Variants in FARP2 observed in about 807,000 individuals in gnomAD.
FARP2 encodes FERM, ARH/RhoGEF and pleckstrin domain protein 2.
FARP2 carries 111 observed loss-of-function variants against 130.5 expected under a neutral mutation model. The ratio of observed to expected loss-of-function variants is 0.85; its 90% CI spans 0.73 to 1.00. The LOEUF is 1.00. FARP2 is among the 50% of genes least tolerant of loss of function. The pLI, the probability that FARP2 is intolerant of heterozygous loss-of-function variation, is 0.00. For synonymous variants in FARP2, 504 were observed against 516.9 expected (o/e 0.98, Z 0.34); for missense variants, 1,385 against 1,346.3 (o/e 1.03, Z -0.45).
At chr2:241,402,851 TATATATATATATATATATATATATA>T (rs2062212005) in intron 2 of FARP2, among the ~76,000 whole-genome samples, 1 of 9,674 alleles carries the variant, frequency 1.0e-4, no homozygotes, top group Non-Finnish European at 2.6e-4. Context: ...TATATATATA[TATATATATATATATATATATATATA>T]TATATTTTTT....
Position 241,407,517 on chromosome 2 carries a change from T to C in FARP2, c.332-20T>C. ...GCAAAGATCGGCCTTATTTGTGAAGTTTAAATTTTTTTGTTATAGGGCCAA... is the reference window on the plus strand; with the variant it reads ...GCAAAGATCGGCCTTATTTGTGAAGCTTAAATTTTTTTGTTATAGGGCCAA... On this transcript the variant is annotated intron_variant, in intron 4 of 26. Coordinates refer to ENST00000264042, the MANE Select transcript of FARP2 (RefSeq NM_014808.4). 1.9e-6 allele frequency: 3 copies of C among 1,599,246 alleles called. No individual in the cohort carries two copies. The highest frequency in any genetic ancestry group is 2.6e-6 in the Non-Finnish European group (3 of 1,166,680).
intron 13 of FARP2, among the ~76,000 whole-genome samples, chr2:241,451,127 T>C (rs371281174): frequency 5.9e-5 from 9 of 152,108 alleles, no homozygotes; most frequent in African/African-American, 1.9e-4. Context: ...GCTAAATTTT[T>C]GATAATTTTA....
chr2:241,376,460 G>A (rs934792113), intron 2 of FARP2, among the ~76,000 whole-genome samples: 4 of 152,224 alleles, frequency 2.6e-5, no homozygotes, highest in Admixed American at 2.6e-4. Flanking sequence ...AAGTGCAATT[G>A]TCTGTGCCAC....
rs527532202 is a variant in FARP2, at chr2:241,451,670, GATTA to G, written c.1412-5072_1412-5069del. ...GAGTTTATTTTTTACAGATACCTAA[GATTA>G]ATTATTTACCATGTCAAGTAAAGCT... is the stretch of plus-strand genomic sequence containing the variant. On this transcript the variant is annotated intron_variant, in intron 13 of 26. Coordinates refer to ENST00000264042, the MANE Select transcript of FARP2 (RefSeq NM_014808.4). Among the ~76,000 whole-genome samples the G allele has an allele frequency of 1.0e-3, 153 of 152,262 alleles. 1 individual carries two copies. The highest frequency in any genetic ancestry group is 6.7e-3 in the Admixed American group (103 of 15,292).
rs202141587 is a variant in FARP2, at chr2:241,434,315, G to A, written c.1025G>A (p.Arg342Lys). ...TTCTTCAGCCGGGGCTCCTCCTTCAGATACAGGTAGGGGCCATGCCGTGGC... is the reference window on the plus strand; with the variant it reads ...TTCTTCAGCCGGGGCTCCTCCTTCAAATACAGGTAGGGGCCATGCCGTGGC... The part of the protein sequence containing the change: ...AVFFSRGSSF[R>K]YSGRTQKQLV... The change falls in exon 10 of 27, where the codon AGA (arginine) becomes AAA (lysine). Residue 342 changes from arginine (R) to lysine (K), a missense_variant. Physicochemically the swap from Arg to Lys is conservative, Grantham distance 26. Coordinates refer to ENST00000264042, the MANE Select transcript of FARP2 (RefSeq NM_014808.4). The A allele has an allele frequency of 2.8e-4, 448 of 1,610,964 alleles. 4 individuals are homozygous for A. Among genetic ancestry groups the A allele is most frequent in the South Asian group, 1.7e-3 (156 of 90,354 alleles).
At chr2:241,463,540 A>G (rs370262009) in intron 16 of FARP2, 72 bp downstream of exon 16, 1 of 1,536,508 alleles carries the variant, frequency 6.5e-7, no homozygotes, top group Admixed American at 2.0e-5. Context: ...GGAACTTCCC[A>G]GCTTCAGAAA....
intron 18 of FARP2, among the ~76,000 whole-genome samples, chr2:241,473,008 G>T (rs2064359848): frequency 6.7e-6 from 1 of 148,904 alleles, no homozygotes; most frequent in East Asian, 2.0e-4. Flanking sequence ...GGGGGCTGCT[G>T]CTCTATGTGG....
intron 1 of FARP2, 21 bp from the exon 2 acceptor site, chr2:241,373,063 T>TG: frequency 2.0e-5 from 13 of 639,224 alleles, no homozygotes; most frequent in South Asian, 5.2e-5. Context: ...CTTCATGTGG[T>TG]TTTTTTTTTT....
chr2:241,453,276 GC>G (rs1461076236), intron 13 of FARP2, among the ~76,000 whole-genome samples: 1 of 151,860 alleles, frequency 6.6e-6, no homozygotes, highest in African/African-American at 2.4e-5. Flanking sequence ...GTTGAAGTGA[GC>G]CGAGATCGTG....
intron 21 of FARP2, 47 bp from the exon 22 acceptor site, chr2:241,489,915 C>A (rs1476915255): frequency 3.8e-6 from 5 of 1,325,940 alleles, no homozygotes; most frequent in Admixed American, 3.4e-5. Context: ...CTTAGGCTGT[C>A]AGTTCCTTCT....
chr2:241,464,040 C>T, intron 17 of FARP2, 60 bp downstream of exon 17: 1 of 1,437,072 alleles, frequency 7.0e-7, no homozygotes. Context: ...AAACCATCTT[C>T]CCGAAGCTGA....
chr2:241,401,787 ATTC>A (rs2062172571), intron 2 of FARP2, among the ~76,000 whole-genome samples: 1 of 145,596 alleles, frequency 6.9e-6, no homozygotes, highest in African/African-American at 2.6e-5. Context: ...TATTTTACCA[ATTC>A]TTTTTTTTTT....
chr2:241,463,940 G>A lies in FARP2; in HGVS notation c.1853G>A (p.Arg618Gln), dbSNP rs576518715. ...SKAHTKGSHQRIGDILLRNMR... is the reference protein window; with the variant it reads ...SKAHTKGSHQQIGDILLRNMR... ...GCCCACACAAAAGGCAGTCATCAAC[G>A]AATCGGGGACATCCTGCTCAGGAAC... Residue 618 changes from arginine (R) to glutamine (Q), a missense_variant, in exon 17 of 27, where the codon CGA becomes CAA. By Grantham distance (43) the Arg-to-Gln change is conservative. Transcript: ENST00000264042. The A allele has an allele frequency of 1.4e-5, 23 of 1,614,106 alleles. No homozygotes were observed. In the Middle Eastern group the frequency reaches 4.9e-4, roughly 35 times the overall value.
At chr2:241,418,829 T>G (rs2062740849) in intron 8 of FARP2, among the ~76,000 whole-genome samples, 1 of 152,200 alleles carries the variant, frequency 6.6e-6, no homozygotes, top group Non-Finnish European at 1.5e-5. Flanking sequence ...AGAAAGCTCT[T>G]GCGGGGGCTC....
At chr2:241,382,771 T>G (rs2061691872) in intron 2 of FARP2, among the ~76,000 whole-genome samples, 1 of 152,338 alleles carries the variant, frequency 6.6e-6, no homozygotes, top group South Asian at 2.1e-4. Context: ...TCTCTCACCT[T>G]TATGGACATT....
intron 6 of FARP2, among the ~76,000 whole-genome samples, chr2:241,412,942 T>G (rs931846488): frequency 1.3e-5 from 2 of 152,106 alleles, no homozygotes; most frequent in Non-Finnish European, 2.9e-5. Context: ...GCGGGCAGAT[T>G]GCTTGAGTCC....
chr2:241,449,211 G>A (rs2063586171), intron 13 of FARP2, among the ~76,000 whole-genome samples: 1 of 151,986 alleles, frequency 6.6e-6, no homozygotes, highest in African/African-American at 2.4e-5. Context: ...TGTAATCCCA[G>A]CTCTCAGGGA....
chr2:241,456,666 C>A, intron 13 of FARP2, 81 bp from the exon 14 acceptor site: 1 of 1,416,600 alleles, frequency 7.1e-7, no homozygotes, highest in Non-Finnish European at 9.9e-7. Context: ...GTTGAATGGT[C>A]AGGAGAGTAG....
chr2:241,454,076 A>G (rs909900414), intron 13 of FARP2, among the ~76,000 whole-genome samples: 19 of 151,570 alleles, frequency 1.3e-4, no homozygotes, highest in Non-Finnish European at 2.1e-4. Context: ...GAGTCACCGC[A>G]CCCGGCCAGG....
Sources: allele counts gnomAD v4.1 joint callset (sites outside exome capture counted in the v4.1 genomes callset), GRCh38; gene constraint gnomAD v4.1.1; transcripts MANE v1.5; gene names NCBI Gene and HGNC (gene_info 2026-07-23, HGNC 2026-07-21).